Variants in NIBAN3 observed in about 807,000 individuals in gnomAD.
NIBAN3 encodes protein Niban 3.
Under a neutral mutation model 76.4 loss-of-function variants are expected in NIBAN3, and 66 were observed. That is an observed-to-expected ratio of 0.86 (90% CI 0.71 to 1.06). The LOEUF is 1.06. NIBAN3 is among the 50% of genes least tolerant of loss of function. NIBAN3 has a pLI of 0.00. For missense variants in NIBAN3, 808 were observed against 810.7 expected (o/e 1.00, Z 0.04); for synonymous variants, 360 against 355.2 (o/e 1.01, Z -0.15).
At chr19:17,554,250 G>T (rs1204477370), downstream of NIBAN3, among the ~76,000 whole-genome samples, 2 of 151,842 alleles carry the variant, frequency 1.3e-5, no homozygotes, top group Non-Finnish European at 2.9e-5. Flanking sequence ...GAGGCTGAAG[G>T]GGGAGGATTA....
chr19:17,539,547 G>C, intron 7 of NIBAN3, 56 bp from the exon 8 acceptor site: 1 of 1,478,206 alleles, frequency 6.8e-7, no homozygotes, highest in Admixed American at 2.4e-5. Flanking sequence ...CGATCTCTCT[G>C]ACCCCCATCC....
At position 17,530,830 on chromosome 19, in the gene NIBAN3, T is replaced by G; in HGVS notation, c.131T>G (p.Ile44Ser). The change falls in exon 2 of 15, where the codon ATC (isoleucine) becomes AGC (serine). Residue 44 changes from isoleucine to serine, a missense_variant. Coordinates refer to ENST00000599164, the MANE Select transcript of NIBAN3 (RefSeq NM_001321827.2). ...CTGGCAGCGTCTGTCCTGCGGCAGA[T>G]CTCTCGAGAGCTGGGCCCTCAGGAG... The part of the protein sequence containing the change: ...GQLAASVLRQ[I>S]SRELGPQEPT... The G allele has an allele frequency of 6.2e-7, 1 of 1,613,696 alleles. No homozygotes were observed. Among genetic ancestry groups the G allele is most frequent in the South Asian group, 1.1e-5 (1 of 91,076 alleles).
chr19:17,549,504 T>C lies in NIBAN3; in HGVS notation c.1727T>C (p.Val576Ala). 6.2e-7 allele frequency: 1 copy of C among 1,613,374 alleles called. No individual in the cohort carries two copies. The highest frequency in any genetic ancestry group is 8.5e-7 in the Non-Finnish European group (1 of 1,179,642). Residue 576 changes from valine (V) to alanine (A), a missense_variant, in exon 14 of 15, where the codon GTC becomes GCC. Coordinates refer to ENST00000599164, the MANE Select transcript of NIBAN3 (RefSeq NM_001321827.2). The part of the protein sequence containing the change: ...VSCTLDGCLE[V>A]PWEQEGADEE... ...TGCACTCTGGACGGCTGCTTGGAGG[T>C]CCCATGGGAACAGGAGGGAGCAGGT...
chr19:17,540,544 C>A lies in NIBAN3; in HGVS notation c.1132C>A (p.Leu378Met), dbSNP rs1599738075. Residue 378 changes from leucine to methionine, a missense_variant, in exon 9 of 15, where the codon CTG becomes ATG. Transcript: ENST00000599164. Reference protein sequence around the residue: ...AQGMDRLSHRLRQSPSGTRLR... With the variant: ...AQGMDRLSHRMRQSPSGTRLR... ...AGGCATGGACCGACTGTCCCACCGC[C>A]TGCGCCAGAGCCCCTCAGGCACGCG... is the stretch of plus-strand genomic sequence containing the variant. 1 of 1,561,612 alleles carries A rather than the reference C, an allele frequency of 6.4e-7. No homozygotes were observed. The highest frequency in any genetic ancestry group is 8.7e-7 in the Non-Finnish European group (1 of 1,153,656).
rs1250440823 is a variant in NIBAN3, at chr19:17,546,692, C to A, written c.1561C>A (p.Pro521Thr). 8.3e-6 allele frequency: 13 copies of A among 1,573,832 alleles called. No homozygotes were observed. The highest frequency in any genetic ancestry group is 1.7e-4 in the Middle Eastern group (1 of 5,950). ...QLEPGCKKEL[P>T]EFEGDVLAVG... ...TAACCCGCCATGGTTCCAGGAGCTG[C>A]CTGAGTTCGAGGGGGATGTCCTTGC... Residue 521 changes from proline (P) to threonine (T), a missense_variant, in exon 13 of 15, where the codon CCT becomes ACT. Coordinates refer to ENST00000599164, the MANE Select transcript of NIBAN3 (RefSeq NM_001321827.2).
upstream of NIBAN3, among the ~76,000 whole-genome samples, chr19:17,526,608 A>T (rs934136563): frequency 6.6e-6 from 1 of 151,912 alleles, no homozygotes; most frequent in African/African-American, 2.4e-5. Flanking sequence ...TGATCGTGCC[A>T]CTGCACTCCA....
downstream of NIBAN3, among the ~76,000 whole-genome samples, chr19:17,554,790 A>AG (rs981106274): frequency 9.0e-5 from 7 of 77,912 alleles, no homozygotes; most frequent in Non-Finnish European, 1.4e-4. Flanking sequence ...AAAAAAAAAA[A>AG]AAAAGAAAAT....
chr19:17,548,824 G>A (rs1462143072), intron 13 of NIBAN3, among the ~76,000 whole-genome samples: 1 of 152,172 alleles, frequency 6.6e-6, no homozygotes, highest in African/African-American at 2.4e-5. Flanking sequence ...TACTTGGGAG[G>A]CTGAGGCAGG....
In NIBAN3 at chr19:17,552,165, G is replaced by A. The variant is rs1335408283; in HGVS notation, c.*267G>A. The A allele has an allele frequency of 1.9e-5, 4 of 211,176 alleles. No homozygotes were observed. Among genetic ancestry groups the A allele is most frequent in the East Asian group, 9.8e-5 (1 of 10,222 alleles). 13.1% of individuals were successfully genotyped at this position (211,176 alleles called of 1,614,324 possible). A position where few individuals can be genotyped will look rare whatever the true frequency, so the allele number is the denominator to read the frequency against. Reference sequence around the variant, plus strand: ...AGGATCTCGGCTCACTGCAACCTCCGCCTCCCGGGTTCAAGCGATTCTCCT... The same window carrying A: ...AGGATCTCGGCTCACTGCAACCTCCACCTCCCGGGTTCAAGCGATTCTCCT... On this transcript the variant is annotated 3_prime_UTR_variant, in exon 15 of 15. Coordinates refer to ENST00000599164, the MANE Select transcript of NIBAN3 (RefSeq NM_001321827.2).
intron 14 of NIBAN3, among the ~76,000 whole-genome samples, chr19:17,550,536 A>T (rs970819713): frequency 2.6e-5 from 4 of 152,004 alleles, no homozygotes; most frequent in Non-Finnish European, 5.9e-5. Context: ...GTGTGGTGGA[A>T]TGCACCTGTA....
chr19:17,531,579 G>C (rs2075725272), intron 2 of NIBAN3, among the ~76,000 whole-genome samples: 1 of 152,094 alleles, frequency 6.6e-6, no homozygotes, highest in African/African-American at 2.4e-5. Context: ...TCTTGCCCAG[G>C]CTGTAGTTCA....
intron 12 of NIBAN3, 146 bp downstream of exon 12, chr19:17,543,777 G>A: frequency 1.6e-6 from 1 of 624,166 alleles, no homozygotes; most frequent in Non-Finnish European, 2.8e-6. Flanking sequence ...CAGATCACAA[G>A]GTCAGGAGTT....
chr19:17,534,044 C>T (rs1427796592), intron 4 of NIBAN3, among the ~76,000 whole-genome samples: 1 of 152,108 alleles, frequency 6.6e-6, no homozygotes, highest in Non-Finnish European at 1.5e-5. Flanking sequence ...AGGATAAAAA[C>T]AGTAAAATCT....
At chr19:17,546,029 G>C in intron 12 of NIBAN3, 3 of 419,512 alleles carry the variant, frequency 7.2e-6, no homozygotes, top group South Asian at 5.1e-5. Context: ...CCCAGACGCT[G>C]GCGTCACCGC....
chr19:17,526,053 A>T (rs540826399), upstream of NIBAN3, among the ~76,000 whole-genome samples: 6 of 146,576 alleles, frequency 4.1e-5, no homozygotes, highest in East Asian at 1.2e-3. Flanking sequence ...GACACCGTTT[A>T]AAAAAAAAAG....
chr19:17,547,024 T>G, intron 13 of NIBAN3, among the ~76,000 whole-genome samples: 1 of 151,098 alleles, frequency 6.6e-6, no homozygotes, highest in Non-Finnish European at 1.5e-5. Flanking sequence ...TGTATAGGAG[T>G]TCTCAGGATG....
intron 2 of NIBAN3, 142 bp from the exon 3 acceptor site, chr19:17,532,121 T>A (rs539630847): frequency 8.6e-7 from 1 of 1,160,716 alleles, no homozygotes; most frequent in East Asian, 2.8e-5. Flanking sequence ...CAGAGCCCCT[T>A]CCTGCCTAGG....
chr19:17,536,339 T>C (rs927068346), intron 4 of NIBAN3, among the ~76,000 whole-genome samples: 16 of 151,690 alleles, frequency 1.1e-4, no homozygotes, highest in Admixed American at 2.0e-4. Flanking sequence ...CATAGGCACC[T>C]GCCACCACAC....
At chr19:17,550,562 G>A (rs990175477) in intron 14 of NIBAN3, among the ~76,000 whole-genome samples, 5 of 152,108 alleles carry the variant, frequency 3.3e-5, no homozygotes, top group Non-Finnish European at 5.9e-5. Context: ...AGCTACCCGG[G>A]AGGCCCAGGT....
Sources: allele counts gnomAD v4.1 joint callset (sites outside exome capture counted in the v4.1 genomes callset), GRCh38; gene constraint gnomAD v4.1.1; transcripts MANE v1.5; gene names NCBI Gene and HGNC (gene_info 2026-07-23, HGNC 2026-07-21).